Variants in VPS13D observed in about 807,000 individuals in gnomAD.
VPS13D encodes the protein vacuolar protein sorting 13 homolog D.
Under a neutral mutation model 461.9 loss-of-function variants are expected in VPS13D, and 187 were observed. That is an observed-to-expected ratio of 0.40 (90% CI 0.36 to 0.46). The LOEUF is 0.46. VPS13D is among the 20% of genes least tolerant of loss of function. VPS13D has a pLI of 0.60. For missense variants in VPS13D, 4,711 were observed against 5,364.9 expected (o/e 0.88, Z 3.81); for synonymous variants, 1,951 against 1,986.3 (o/e 0.98, Z 0.47).
intron 34 of VPS13D, among the ~76,000 whole-genome samples, 184 bp downstream of exon 34, chr1:12,322,930 A>C (rs901293506): frequency 1.3e-5 from 2 of 152,134 alleles, no homozygotes; most frequent in African/African-American, 4.8e-5. Context: ...AACATCCCTA[A>C]CCAACTACTC....
chr1:12,333,426 G>A (rs775428027), intron 38 of VPS13D, 60 bp downstream of exon 38: 7 of 1,591,198 alleles, frequency 4.4e-6, no homozygotes, highest in East Asian at 2.2e-5. Flanking sequence ...TCTGAGTCTG[G>A]AAGACTATTA....
chr1:12,511,491 T>C lies in VPS13D; in HGVS notation c.*2467T>C, dbSNP rs1160804797. On this transcript the variant is annotated 3_prime_UTR_variant, in exon 70 of 70. Coordinates refer to ENST00000620676, the MANE Select transcript of VPS13D (RefSeq NM_015378.4). This position sits in a 1 kb window ranked among gnomAD's most constrained non-coding sequence, Gnocchi z 4.5. ...GCTCCTTAAATGCCCCGTCTCTTTG[T>C]AAACTGATATTCAGCCAGCAATGCC... 1.3e-5 allele frequency: 2 copies of C among 152,226 alleles called. No homozygotes were observed. The highest frequency in any genetic ancestry group is 2.4e-5 in the African/African-American group (1 of 41,446). 9.4% of individuals were successfully genotyped at this position (152,226 alleles called of 1,614,324 possible).
At position 12,231,193 on chromosome 1, in the gene VPS13D, C is replaced by T. The variant is rs374884465; in HGVS notation, c.-77+1073C>T. ...CACCCGCCCCACTGGGTAGGGGAGC[C>T]CAGGTGGGGGTTAGTGCCAGTGCCA... On this transcript the variant is annotated intron_variant, in intron 1 of 69. Transcript: ENST00000620676. Among the ~76,000 whole-genome samples, 25 of 152,276 alleles carry T rather than the reference C, an allele frequency of 1.6e-4. 2 individuals carry two copies. The highest frequency in any genetic ancestry group is 1.1e-3 in the Admixed American group (17 of 15,300).
chr1:12,473,905 A>T lies in VPS13D; in HGVS notation c.12662+13509A>T, dbSNP rs553171505. ...GGTGGAGGGACTCTCCTGGGCTCTGAGCCTTTGTGTGTGGGAACCGCACTG... is the reference window on the plus strand; with the variant it reads ...GGTGGAGGGACTCTCCTGGGCTCTGTGCCTTTGTGTGTGGGAACCGCACTG... On this transcript the variant is annotated intron_variant, in intron 67 of 69. Transcript: ENST00000620676. The surrounding 1 kb of genome is among the most constrained non-coding windows in gnomAD (Gnocchi z 4.2). 6.6e-6 allele frequency among the ~76,000 whole-genome samples: 1 copy of T among 152,242 alleles called. No individual in the cohort carries two copies. Among genetic ancestry groups the T allele is most frequent in the South Asian group, 2.1e-4 (1 of 4,816 alleles).
intron 14 of VPS13D, 87 bp from the exon 15 acceptor site, chr1:12,267,758 G>A: frequency 2.6e-6 from 3 of 1,137,952 alleles, no homozygotes; most frequent in Non-Finnish European, 2.7e-6. Flanking sequence ...CTAAGGGAGT[G>A]TGTTGCTGAA....
rs149432270 is a variant in VPS13D at position 12,379,830 on chromosome 1, A to G, written c.11190+234A>G. ...GTCGCTCAGGCTGGAGTGCAGTGGC[A>G]CAATCTCGGCTCACTGCAAGCTCCG... On this transcript the variant is annotated intron_variant, in intron 57 of 69. Coordinates refer to ENST00000620676, the MANE Select transcript of VPS13D (RefSeq NM_015378.4). Among the ~76,000 whole-genome samples the G allele has an allele frequency of 0.059, 8,974 of 150,870 alleles. 392 individuals are homozygous for G. The highest frequency in any genetic ancestry group is 0.12 in the Admixed American group (1,818 of 15,124).
At chr1:12,286,320 G>A (rs1641975726) in intron 21 of VPS13D, among the ~76,000 whole-genome samples, 2 of 151,974 alleles carry the variant, frequency 1.3e-5, no homozygotes, top group African/African-American at 4.8e-5. Context: ...TCAAGTGATC[G>A]GCCTGCCTTG....
chr1:12,268,349 A>G (rs12062499), intron 15 of VPS13D, among the ~76,000 whole-genome samples: 1,732 of 151,006 alleles, frequency 0.011, 28 homozygotes, highest in African/African-American at 0.039. Context: ...AAAAGAGGGA[A>G]TGTTTTCTGT....
In VPS13D at chr1:12,322,668, G is replaced by A; in HGVS notation, c.7837G>A (p.Gly2613Ser). 6.2e-7 allele frequency: 1 copy of A among 1,614,204 alleles called. No homozygotes were observed. ...AGTGGCCCTGGAGTCAGACTCCGTT[G>A]GCACTTACCTTCCAGGTGCATCTCG... Reference protein sequence around the residue: ...DSVALESDSVGTYLPGASRVG... With the variant: ...DSVALESDSVSTYLPGASRVG... Residue 2613 changes from glycine to serine, a missense_variant, in exon 34 of 70, where the codon GGC becomes AGC. Gly to Ser is a moderately conservative substitution (Grantham distance 56). Coordinates refer to ENST00000620676, the MANE Select transcript of VPS13D (RefSeq NM_015378.4).
At chr1:12,267,139 G>C in intron 14 of VPS13D, 128 bp downstream of exon 14, 1 of 1,086,644 alleles carries the variant, frequency 9.2e-7, no homozygotes, top group Non-Finnish European at 1.2e-6. Flanking sequence ...GATTAGAAAA[G>C]TTTCTTGAAA....
At chr1:12,254,353 T>C (rs1234329094) in intron 7 of VPS13D, among the ~76,000 whole-genome samples, 7 of 151,688 alleles carry the variant, frequency 4.6e-5, no homozygotes, top group Admixed American at 4.6e-4. Context: ...GGCATCCAGA[T>C]TTTAAATGAA....
rs1317091754 is a variant in VPS13D, at chr1:12,249,327, T to C, written c.552T>C (p.Ala184=). Residue 184 remains alanine, a synonymous_variant, in exon 6 of 70, where the codon GCT becomes GCC. Coordinates refer to ENST00000620676, the MANE Select transcript of VPS13D (RefSeq NM_015378.4). ...TTAAGAATGTGTCCATGCAAAATGC[T>C]GTGAATGAGCCTGTGAGTATGAAAT... The part of the protein sequence containing the change: ...ICIKNVSMQN[A]VNEPVQKLMR... 6.2e-7 allele frequency: 1 copy of C among 1,612,898 alleles called. No individual in the cohort carries two copies. The highest frequency in any genetic ancestry group is 8.5e-7 in the Non-Finnish European group (1 of 1,179,376).
rs1646185097 is a variant in VPS13D at position 12,511,640 on chromosome 1, A to G, written c.*2616A>G. 1 of 152,272 alleles carries G rather than the reference A, an allele frequency of 6.6e-6. No homozygotes were observed. Among genetic ancestry groups the G allele is most frequent in the African/African-American group, 2.4e-5 (1 of 41,470 alleles). The allele number at this position is 152,272 out of a possible 1,614,324, so 9.4% of individuals were successfully genotyped here. On this transcript the variant is annotated 3_prime_UTR_variant, in exon 70 of 70. Transcript: ENST00000620676. The surrounding 1 kb of genome is among the most constrained non-coding windows in gnomAD (Gnocchi z 4.5). ...GGTAAGGAGATATCCAAAGCTACCC[A>G]GTCCCTTGACCCAGCACAGTTGGCC...
chr1:12,333,257 C>T lies in VPS13D; in HGVS notation c.8319C>T (p.Cys2773=). The T allele has an allele frequency of 6.2e-7, 1 of 1,614,078 alleles. No homozygotes were observed. The highest frequency in any genetic ancestry group is 8.5e-7 in the Non-Finnish European group (1 of 1,179,928). The change falls in exon 38 of 70, where the codon TGC becomes TGT. Residue 2773 remains cysteine (C), a synonymous_variant. Transcript: ENST00000620676. ...AGCCATTTATTGAGCCTTGGCCATGCTCTGTATCCTGGCAACAGCAGGCAG... is the reference window on the plus strand; with the variant it reads ...AGCCATTTATTGAGCCTTGGCCATGTTCTGTATCCTGGCAACAGCAGGCAG... The part of the protein sequence containing the change: ...GWEPFIEPWP[C]SVSWQQQAAS...
At chr1:12,365,860 A>G (rs911471821) in intron 52 of VPS13D, among the ~76,000 whole-genome samples, 2 of 152,216 alleles carry the variant, frequency 1.3e-5, no homozygotes, top group East Asian at 3.8e-4. Context: ...GAAGTATGAT[A>G]ATTTAACAAT....
chr1:12,448,260 C>G (rs973332001), intron 65 of VPS13D, among the ~76,000 whole-genome samples: 1 of 152,162 alleles, frequency 6.6e-6, no homozygotes, highest in Non-Finnish European at 1.5e-5. Flanking sequence ...TCTGCCAAAT[C>G]AGGCTTTATG....
chr1:12,369,772 A>T, intron 54 of VPS13D, 70 bp downstream of exon 54: 1 of 1,475,958 alleles, frequency 6.8e-7, no homozygotes, highest in South Asian at 1.3e-5. Flanking sequence ...TTAAATGTTA[A>T]GCAGTTTCTT....
chr1:12,465,309 T>A (rs978339511), intron 67 of VPS13D: 1 of 152,196 alleles, frequency 6.6e-6, no homozygotes, highest in Non-Finnish European at 1.5e-5. Context: ...AAATATTTCT[T>A]CACCTTTTAA....
rs1471705052 is a variant in VPS13D, at chr1:12,333,274, A to G, written c.8336A>G (p.Gln2779Arg). 6.2e-7 allele frequency: 1 copy of G among 1,614,144 alleles called. No homozygotes were observed. Among genetic ancestry groups the G allele is most frequent in the Admixed American group, 1.7e-5 (1 of 60,020 alleles). The change falls in exon 38 of 70, where the codon CAG becomes CGG. Residue 2779 changes from glutamine (Q) to arginine (R), a missense_variant. Coordinates refer to ENST00000620676, the MANE Select transcript of VPS13D (RefSeq NM_015378.4). The stretch of plus-strand genomic sequence containing the variant: ...TGGCCATGCTCTGTATCCTGGCAAC[A>G]GCAGGCAGCTAGTCGTCTCCATCCT... ...EPWPCSVSWQ[Q>R]QAASRLHPPR...
Sources: gnomAD v4.1 joint callset for allele counts (sites outside exome capture counted in the v4.1 genomes callset) on GRCh38, gnomAD v4.1.1 for gene constraint, Gnocchi (gnomAD v3.1) non-coding constraint, MANE v1.5 for transcripts, NCBI Gene and HGNC (gene_info 2026-07-23, HGNC 2026-07-21) for gene names.